Variants in PTK2 observed in about 807,000 individuals in gnomAD.
PTK2 encodes the protein focal adhesion kinase 1.
In PTK2, 45 loss-of-function variants were observed where a neutral mutation model predicts 150.1. The observed-to-expected ratio is 0.30, with a 90% CI of 0.24 to 0.38. PTK2 has a LOEUF of 0.38. Ranked by LOEUF, PTK2 falls within the 10% of genes least tolerant of loss-of-function variation. PTK2 has a pLI of 1.00. For missense variants in PTK2, 919 were observed against 1,307.3 expected, an observed-to-expected ratio of 0.70 and a Z score of 4.58; for synonymous variants, 432 against 449.2, an observed-to-expected ratio of 0.96 and a Z score of 0.48.
At position 140,864,009 on chromosome 8, in the gene PTK2, T is replaced by C. The variant is rs569199562; in HGVS notation, c.450+303A>G. On this transcript the variant is annotated intron_variant, in intron 5 of 31. Coordinates refer to ENST00000522684, the Ensembl canonical transcript of PTK2. ...AGTTGGCTCTGCAACAATCTCTACC[T>C]ATGACAAATTCATTGCTATTCAGGC... Among the ~76,000 whole-genome samples, 6 of 152,352 alleles carry C rather than the reference T, an allele frequency of 3.9e-5. No individual in the cohort carries two copies. In the South Asian group the frequency reaches 8.3e-4, roughly 21 times the overall value.
chr8:140,752,239 T>C (rs1017216113), exon 17 of PTK2: 2 of 1,613,288 alleles, frequency 1.2e-6, no homozygotes, highest in Admixed American at 1.7e-5. Context: ...TACAGGCTTC[T>C]TGAAGAAATT....
rs59811767 is a variant in PTK2, at chr8:140,669,656, CA to C, written c.2710-1233del. On this transcript the variant is annotated intron_variant, in intron 29 of 31. Coordinates refer to ENST00000522684, the Ensembl canonical transcript of PTK2. ...CACTTGGGCTTCCTGCTTTCCAGTC[CA>C]AAGTTACATGCAGAGAGCCGGGTGT... 9.5e-3 allele frequency: 14,221 copies of C among 1,495,434 alleles called. 498 individuals carry two copies. In the African/African-American group the frequency reaches 0.096, roughly 10 times the overall value. The allele number at this position is 1,495,434 out of a possible 1,614,324, so 92.6% of individuals were successfully genotyped here.
intron 1 of PTK2, among the ~76,000 whole-genome samples, chr8:140,967,431 C>A (rs1426300264): frequency 6.6e-6 from 1 of 151,088 alleles, no homozygotes; most frequent in Non-Finnish European, 1.5e-5. Flanking sequence ...AAATAAGGCT[C>A]AAACCCAGTA....
intron 5 of PTK2, among the ~76,000 whole-genome samples, chr8:140,856,953 G>A (rs755630969): frequency 3.9e-5 from 6 of 152,174 alleles, no homozygotes; most frequent in Non-Finnish European, 7.4e-5. Flanking sequence ...AAACGTTAAT[G>A]GTAGAATCTA....
intron 14 of PTK2, among the ~76,000 whole-genome samples, chr8:140,780,350 A>G (rs368811652): frequency 5.9e-5 from 9 of 152,320 alleles, no homozygotes; most frequent in African/African-American, 1.7e-4. Context: ...TAGTCTTAAC[A>G]TCACAAAGAA....
intron 22 of PTK2, 188 bp from the exon 26 acceptor site, chr8:140,717,897 G>A: frequency 2.0e-6 from 1 of 492,882 alleles, no homozygotes; most frequent in South Asian, 3.0e-5. Flanking sequence ...AATAGCCTTG[G>A]TCCAAATGGG....
At chr8:140,661,572 A>G (rs1020097720) in intron 31 of PTK2, among the ~76,000 whole-genome samples, 2 of 152,242 alleles carry the variant, frequency 1.3e-5, no homozygotes, top group Admixed American at 6.5e-5. Context: ...GGCATCAAAT[A>G]CTTGAATCTA....
intron 1 of PTK2, among the ~76,000 whole-genome samples, chr8:140,979,564 C>G (rs2100190619): frequency 6.6e-6 from 1 of 152,108 alleles, no homozygotes; most frequent in South Asian, 2.1e-4. Context: ...CTGAAAAAGT[C>G]AGACAAAATA....
At chr8:140,907,274 G>T (rs2100161308) in intron 2 of PTK2, among the ~76,000 whole-genome samples, 1 of 152,192 alleles carries the variant, frequency 6.6e-6, no homozygotes, top group East Asian at 1.9e-4. Flanking sequence ...AAATGTTTAG[G>T]ACCAGAAGAG....
At chr8:140,713,757 T>C (rs956423476) in intron 23 of PTK2, among the ~76,000 whole-genome samples, 1 of 152,228 alleles carries the variant, frequency 6.6e-6, no homozygotes, top group Non-Finnish European at 1.5e-5. Context: ...GTTCTCTAAA[T>C]ATTATTATTA....
intron 2 of PTK2, among the ~76,000 whole-genome samples, chr8:140,903,364 ATC>A (rs751594818): frequency 2.6e-5 from 4 of 151,790 alleles, no homozygotes; most frequent in Non-Finnish European, 5.9e-5. Context: ...GTACCATAAT[ATC>A]TGTTTTGGTA....
At chr8:140,763,989 C>T (rs1158960984) in intron 15 of PTK2, among the ~76,000 whole-genome samples, 1 of 151,936 alleles carries the variant, frequency 6.6e-6, no homozygotes, top group African/African-American at 2.4e-5. Context: ...ATGATAGAGT[C>T]AGAAAACAAG....
At chr8:140,735,689 G>C (rs1313941144) in intron 21 of PTK2, among the ~76,000 whole-genome samples, 5 of 152,096 alleles carry the variant, frequency 3.3e-5, no homozygotes, top group African/African-American at 1.2e-4. Context: ...TTTTCTCAGA[G>C]GTTTATTTTT....
At chr8:140,998,865 C>T (rs898957920) in intron 1 of PTK2, among the ~76,000 whole-genome samples, 1 of 151,758 alleles carries the variant, frequency 6.6e-6, no homozygotes, top group Non-Finnish European at 1.5e-5. Context: ...TTCTCCAACT[C>T]CCTAGAAAGA....
chr8:140,865,071 C>G lies in PTK2; in HGVS notation c.363-672G>C, dbSNP rs539094591. Among the ~76,000 whole-genome samples the G allele has an allele frequency of 5.3e-5, 8 of 152,302 alleles. No individual in the cohort carries two copies. The East Asian group carries it at 1.3e-3, about 26-fold the overall frequency. On this transcript the variant is annotated intron_variant, in intron 4 of 31. Transcript: ENST00000522684. ...CAGTTCCTCTATATCTTTGCCTCCA[C>G]TTGGCATTTTCTAACTTTTTTGTTT... is the stretch of plus-strand genomic sequence containing the variant.
chr8:140,957,702 C>T (rs998726443), intron 1 of PTK2, among the ~76,000 whole-genome samples: 7 of 152,080 alleles, frequency 4.6e-5, no homozygotes, highest in African/African-American at 1.4e-4. Flanking sequence ...TCTTATTGTA[C>T]CTTTTCTATG....
At chr8:140,741,155 T>TA (rs2100055418) in intron 20 of PTK2, among the ~76,000 whole-genome samples, 1 of 143,078 alleles carries the variant, frequency 7.0e-6, no homozygotes, top group Non-Finnish European at 1.5e-5. Context: ...AAAAATGTTT[T>TA]AATTTAAAAA....
intron 15 of PTK2, among the ~76,000 whole-genome samples, chr8:140,762,981 T>C (rs1387090609): frequency 6.6e-6 from 1 of 152,138 alleles, no homozygotes; most frequent in African/African-American, 2.4e-5. Flanking sequence ...AGGATCTTGT[T>C]ATGTCACCTA....
At chr8:140,877,087 C>CA (rs1398361269) in intron 4 of PTK2, among the ~76,000 whole-genome samples, 2 of 124,142 alleles carry the variant, frequency 1.6e-5, no homozygotes, top group Non-Finnish European at 3.2e-5. Flanking sequence ...GGCTGCAGTG[C>CA]AATGGCATGA....
Sources: gnomAD v4.1 joint callset for allele counts (sites outside exome capture counted in the v4.1 genomes callset) on GRCh38, gnomAD v4.1.1 for gene constraint, MANE v1.5 for transcripts, NCBI Gene and HGNC (gene_info 2026-07-23, HGNC 2026-07-21) for gene names.